The following OSMR variants were observed in gnomAD, a reference collection of about 807,000 sequenced individuals.
OSMR encodes oncostatin M receptor, also known as oncostatin-M-specific receptor subunit beta.
Under a neutral mutation model 99.9 loss-of-function variants are expected in OSMR, and 81 were observed. The ratio of observed to expected loss-of-function variants is 0.81; its 90% CI spans 0.68 to 0.97. OSMR has a LOEUF of 0.97. OSMR is among the 50% of genes least tolerant of loss of function. The probability of loss-of-function intolerance (pLI) is 0.00; values close to 1 mark genes in which losing one functional copy is unlikely to be tolerated. For synonymous variants in OSMR, 406 were observed against 410.4 expected (o/e 0.99, Z 0.13); for missense variants, 1,099 against 1,153.4 (o/e 0.95, Z 0.68).
chr5:38,895,305 A>C (rs1451861757), intron 7 of OSMR, among the ~76,000 whole-genome samples: 1 of 152,100 alleles, frequency 6.6e-6, no homozygotes, highest in Non-Finnish European at 1.5e-5. Context: ...CAATGAAACC[A>C]AACACTGGTT....
chr5:38,934,708 T>C lies in OSMR; in HGVS notation c.*1264T>C, dbSNP rs1193933960. The C allele has an allele frequency of 6.6e-6, 1 of 152,192 alleles. No individual in the cohort carries two copies. Among genetic ancestry groups the C allele is most frequent in the Admixed American group, 6.5e-5 (1 of 15,276 alleles). 9.4% of individuals were successfully genotyped at this position (152,192 alleles called of 1,614,324 possible). ...TTAGTAGAGATTGGGTTTTACCATA[T>C]TGGCCAGGCTGGTCTCAAACTCCTG... On this transcript the variant is annotated 3_prime_UTR_variant, in exon 18 of 18. Coordinates refer to ENST00000274276, the MANE Select transcript of OSMR (RefSeq NM_003999.3).
At position 38,886,049 on chromosome 5, in the gene OSMR, G is replaced by T; in HGVS notation, c.850G>T (p.Glu284Ter). The change falls in exon 7 of 18, where the codon GAA becomes TAA. Residue 284 changes from glutamate (E) to a stop codon, truncating the protein, a stop_gained. Coordinates refer to ENST00000274276, the MANE Select transcript of OSMR (RefSeq NM_003999.3). LOFTEE classifies it high-confidence loss of function. ...SYTLFESFSGEKKLCTHKNWC... is the reference protein window; with the variant it reads ...SYTLFESFSG ...GTTTTGTTTTTAAAGATTTTCTGGG[G>T]AAAAGAAACTTTGTACACACAAAAA... The T allele has an allele frequency of 1.9e-6, 3 of 1,613,212 alleles. No homozygotes were observed. The highest frequency in any genetic ancestry group is 1.7e-6 in the Non-Finnish European group (2 of 1,179,802).
At chr5:38,862,840 C>T (rs1293135932) in intron 1 of OSMR, among the ~76,000 whole-genome samples, 3 of 151,384 alleles carry the variant, frequency 2.0e-5, no homozygotes, top group African/African-American at 7.3e-5. Context: ...TGTAGCGAGC[C>T]GAGATCACAC....
At chr5:38,907,219 G>A (rs1163513371) in intron 9 of OSMR, among the ~76,000 whole-genome samples, 1 of 152,208 alleles carries the variant, frequency 6.6e-6, no homozygotes, top group Non-Finnish European at 1.5e-5. Flanking sequence ...GGGCTATGAA[G>A]CACCCACACT....
intron 11 of OSMR, chr5:38,919,302 A>G (rs1432970174): frequency 1.4e-6 from 2 of 1,477,400 alleles, no homozygotes; most frequent in Admixed American, 4.1e-5. Context: ...GGATTCTTCA[A>G]CATACATGGG....
At chr5:38,860,927 C>T (rs1293679004) in intron 1 of OSMR, among the ~76,000 whole-genome samples, 2 of 152,134 alleles carry the variant, frequency 1.3e-5, no homozygotes, top group East Asian at 1.9e-4. Flanking sequence ...CCCACCTCAG[C>T]CTCCCAAAGT....
intron 7 of OSMR, among the ~76,000 whole-genome samples, chr5:38,900,355 T>G (rs1744815020): frequency 1.3e-5 from 2 of 152,186 alleles, no homozygotes; most frequent in African/African-American, 4.8e-5. Flanking sequence ...AGTGACTCTT[T>G]CAGTGATATG....
chr5:38,925,456 A>G (rs1746434203), intron 15 of OSMR, 85 bp downstream of exon 15: 2 of 1,244,464 alleles, frequency 1.6e-6, no homozygotes, highest in Non-Finnish European at 2.4e-6. Context: ...GGCTTTGTCT[A>G]GATCAGGAAT....
At chr5:38,891,866 C>A (rs1744180564) in intron 7 of OSMR, among the ~76,000 whole-genome samples, 1 of 152,204 alleles carries the variant, frequency 6.6e-6, no homozygotes, top group Admixed American at 6.5e-5. Context: ...GCAGCAACCG[C>A]ACCCCTGCCT....
intron 11 of OSMR, chr5:38,919,398 G>A (rs772666557): frequency 7.8e-6 from 10 of 1,284,910 alleles, no homozygotes; most frequent in Non-Finnish European, 1.0e-5. Flanking sequence ...GATCTTTGTG[G>A]CTTGTGAAAT....
intron 13 of OSMR, 157 bp from the exon 14 acceptor site, chr5:38,924,265 A>G (rs1332926186): frequency 2.0e-6 from 2 of 977,214 alleles, no homozygotes; most frequent in African/African-American, 1.8e-5. Flanking sequence ...AACTATGTCA[A>G]GGCACAAATC....
chr5:38,884,711 G>A (rs879660214), intron 5 of OSMR, among the ~76,000 whole-genome samples: 2 of 152,182 alleles, frequency 1.3e-5, no homozygotes, highest in South Asian at 2.1e-4. Context: ...TGGTTCCATC[G>A]GATACATTAG....
intron 4 of OSMR, among the ~76,000 whole-genome samples, chr5:38,883,358 G>A (rs1487067249): frequency 6.6e-6 from 1 of 152,238 alleles, no homozygotes; most frequent in African/African-American, 2.4e-5. Context: ...AGATTACGAG[G>A]GATTTTGGAG....
At chr5:38,926,964 C>T (rs770193686) in intron 15 of OSMR, among the ~76,000 whole-genome samples, 27 of 152,156 alleles carry the variant, frequency 1.8e-4, no homozygotes, top group Non-Finnish European at 1.9e-4. Context: ...TGGGAGAAAT[C>T]GGCCAAAACA....
intron 9 of OSMR, among the ~76,000 whole-genome samples, chr5:38,905,940 G>A (rs1431757017): frequency 4.6e-5 from 7 of 152,082 alleles, no homozygotes; most frequent in Admixed American, 1.3e-4. Flanking sequence ...AGTGGGCACC[G>A]CTAATCAGAA....
chr5:38,863,252 T>A (rs1236116088), intron 1 of OSMR, among the ~76,000 whole-genome samples: 1 of 140,334 alleles, frequency 7.1e-6, no homozygotes, highest in Non-Finnish European at 1.5e-5. Context: ...TAAAAATTAG[T>A]TGAGATGGCC....
At chr5:38,849,877 C>T (rs548585532) in intron 1 of OSMR, among the ~76,000 whole-genome samples, 6 of 152,094 alleles carry the variant, frequency 3.9e-5, no homozygotes, top group Non-Finnish European at 5.9e-5. Flanking sequence ...CTTTTCTTAG[C>T]GCTGTTGTGA....
intron 1 of OSMR, among the ~76,000 whole-genome samples, chr5:38,862,737 G>C (rs1420517028): frequency 6.6e-6 from 1 of 151,130 alleles, no homozygotes. Context: ...CCGGGAAGAG[G>C]CGCTCCTCAC....
At chr5:38,880,260 C>T (rs1363740736) in intron 3 of OSMR, among the ~76,000 whole-genome samples, 2 of 152,144 alleles carry the variant, frequency 1.3e-5, no homozygotes, top group Non-Finnish European at 2.9e-5. Context: ...TGTGACTTGT[C>T]CCATCCCCTT....
Sources: gnomAD v4.1 joint callset for allele counts (sites outside exome capture counted in the v4.1 genomes callset) on GRCh38, gnomAD v4.1.1 for gene constraint, MANE v1.5 for transcripts, NCBI Gene and HGNC (gene_info 2026-07-23, HGNC 2026-07-21) for gene names.